NAALADL2: variants seen among roughly 807,000 people sequenced by gnomAD.
The protein encoded by NAALADL2 is N-acetylated alpha-linked acidic dipeptidase like 2.
In NAALADL2, 76 loss-of-function variants were observed where a neutral mutation model predicts 87.2. That is an observed-to-expected ratio of 0.87 (90% CI 0.72 to 1.05). NAALADL2 has a LOEUF of 1.05. NAALADL2 is among the 50% of genes least tolerant of loss of function. NAALADL2 has a pLI of 0.00. For missense variants in NAALADL2, 1,089 were observed against 945.8 expected (o/e 1.15, Z -1.99); for synonymous variants, 354 against 331.0 (o/e 1.07, Z -0.75).
intron 1 of NAALADL2, among the ~76,000 whole-genome samples, chr3:175,012,216 G>A (rs1749920288): frequency 6.6e-6 from 1 of 152,144 alleles, no homozygotes; most frequent in Admixed American, 6.6e-5. Context: ...CCAAACTGGA[G>A]TGCAATGGCC....
At chr3:175,713,106 G>A (rs1740747555) in intron 11 of NAALADL2, among the ~76,000 whole-genome samples, 1 of 152,050 alleles carries the variant, frequency 6.6e-6, no homozygotes, top group African/African-American at 2.4e-5. Flanking sequence ...GAAATTGGAA[G>A]TCAAACTGTG....
chr3:175,344,919 T>C (rs1257343747), intron 5 of NAALADL2, among the ~76,000 whole-genome samples: 1 of 152,140 alleles, frequency 6.6e-6, no homozygotes, highest in Non-Finnish European at 1.5e-5. Context: ...TTATCGCTGT[T>C]ATTAATCCCC....
chr3:175,058,830 C>T (rs1160044613), intron 1 of NAALADL2, among the ~76,000 whole-genome samples: 1 of 152,178 alleles, frequency 6.6e-6, no homozygotes, highest in Non-Finnish European at 1.5e-5. Flanking sequence ...AACATTAAGA[C>T]CTGTGCTGTT....
intron 9 of NAALADL2, among the ~76,000 whole-genome samples, chr3:175,547,732 G>T (rs925974966): frequency 6.6e-6 from 1 of 151,486 alleles, no homozygotes; most frequent in African/African-American, 2.4e-5. Flanking sequence ...AACCCATAAA[G>T]TAGTGGGCAG....
chr3:174,956,692 T>A (rs1741198686), intron 1 of NAALADL2, among the ~76,000 whole-genome samples: 1 of 152,002 alleles, frequency 6.6e-6, no homozygotes, highest in South Asian at 2.1e-4. Flanking sequence ...TCTTTGGGCC[T>A]GCCAGTTCTG....
intron 4 of NAALADL2, among the ~76,000 whole-genome samples, chr3:175,275,818 G>A (rs1399421366): frequency 6.6e-6 from 1 of 150,958 alleles, no homozygotes; most frequent in African/African-American, 2.4e-5. Flanking sequence ...CAAAAAATTA[G>A]TACTCATTTT....
intron 3 of NAALADL2, among the ~76,000 whole-genome samples, chr3:175,237,689 AAAG>A (rs1231538246): frequency 9.2e-5 from 14 of 152,136 alleles, no homozygotes; most frequent in Non-Finnish European, 1.8e-4. Flanking sequence ...AGAGGACACA[AAAG>A]AAGAAGCCGG....
intron 3 of NAALADL2, among the ~76,000 whole-genome samples, chr3:174,835,006 A>G (rs1229409876): frequency 6.6e-6 from 1 of 151,830 alleles, no homozygotes; most frequent in Admixed American, 6.6e-5. Context: ...AAATTTAAAA[A>G]TGCAAAGAAA....
chr3:175,594,349 T>C (rs887877381), intron 10 of NAALADL2, among the ~76,000 whole-genome samples: 3 of 152,208 alleles, frequency 2.0e-5, no homozygotes. Flanking sequence ...TATGGCTTCA[T>C]AGTATTCCAT....
Position 175,771,694 on chromosome 3 carries a change from A to T in NAALADL2, c.2189+16276A>T, listed in dbSNP as rs74497032. 8.8e-3 allele frequency among the ~76,000 whole-genome samples: 1,341 copies of T among 152,206 alleles called. 21 individuals carry two copies. Among genetic ancestry groups the T allele is most frequent in the African/African-American group, 0.031 (1,273 of 41,522 alleles). ...TCTCTCTTTTACAAGGAGACTTGTGATTGGATTTAGGGCTCATTCACATAA... is the reference window on the plus strand; with the variant it reads ...TCTCTCTTTTACAAGGAGACTTGTGTTTGGATTTAGGGCTCATTCACATAA... On this transcript the variant is annotated intron_variant, in intron 13 of 13. Coordinates refer to ENST00000454872, the MANE Select transcript of NAALADL2 (RefSeq NM_207015.3).
intron 9 of NAALADL2, among the ~76,000 whole-genome samples, chr3:175,530,159 G>A (rs950882720): frequency 6.6e-5 from 10 of 152,154 alleles, no homozygotes; most frequent in African/African-American, 2.4e-4. Flanking sequence ...GGGGAAAGAG[G>A]CTGAGTGGTG....
intron 2 of NAALADL2, among the ~76,000 whole-genome samples, chr3:174,621,011 A>G (rs1359884916): frequency 6.6e-6 from 1 of 152,096 alleles, no homozygotes; most frequent in African/African-American, 2.4e-5. Flanking sequence ...TGTACTGACT[A>G]GGAAGAGCGT....
chr3:174,680,477 T>C (rs1727435019), intron 2 of NAALADL2, among the ~76,000 whole-genome samples: 1 of 152,202 alleles, frequency 6.6e-6, no homozygotes, highest in Non-Finnish European at 1.5e-5. Context: ...TAAGTATCTT[T>C]GTTTTTTCTT....
intron 5 of NAALADL2, among the ~76,000 whole-genome samples, chr3:175,436,470 G>C (rs1718692810): frequency 3.5e-5 from 5 of 144,680 alleles, no homozygotes; most frequent in Admixed American, 2.1e-4. Context: ...CCCATCAACA[G>C]TGTAAAAGTG....
chr3:174,591,150 A>G lies in NAALADL2; in HGVS notation c.-115+40513A>G, dbSNP rs1717319172. On this transcript the variant is annotated intron_variant, in intron 2 of 3. Transcript: ENST00000434257. ...ACCTTGGCTGATCCTCTGGAGACAG[A>G]CTGCTCCTTAATCTTGAGATGGACA... 2.0e-5 allele frequency among the ~76,000 whole-genome samples: 3 copies of G among 152,328 alleles called. No individual in the cohort carries two copies. The South Asian group carries it at 6.2e-4, about 32-fold the overall frequency.
intron 11 of NAALADL2, among the ~76,000 whole-genome samples, chr3:175,654,547 T>C (rs1253165365): frequency 1.3e-5 from 2 of 152,234 alleles, no homozygotes; most frequent in African/African-American, 4.8e-5. Context: ...TAGGTATGCC[T>C]TTCTTGTAGC....
chr3:175,482,440 G>A (rs1726617161), intron 9 of NAALADL2, among the ~76,000 whole-genome samples: 1 of 151,888 alleles, frequency 6.6e-6, no homozygotes, highest in East Asian at 1.9e-4. Flanking sequence ...TTTATGGTGC[G>A]GTCTTTTAAT....
intron 1 of NAALADL2, among the ~76,000 whole-genome samples, chr3:174,905,979 T>C (rs1382302600): frequency 6.6e-6 from 1 of 151,980 alleles, no homozygotes; most frequent in East Asian, 1.9e-4. Flanking sequence ...AAAACACTGA[T>C]ACATTAATTC....
chr3:175,244,250 A>G (rs951451939), intron 3 of NAALADL2, among the ~76,000 whole-genome samples: 1 of 152,214 alleles, frequency 6.6e-6, no homozygotes, highest in African/African-American at 2.4e-5. Context: ...AAGTTGCGGA[A>G]GCTCTCATGA....
Sources: gnomAD v4.1 joint callset for allele counts (sites outside exome capture counted in the v4.1 genomes callset) on GRCh38, gnomAD v4.1.1 for gene constraint, MANE v1.5 for transcripts, NCBI Gene and HGNC (gene_info 2026-07-23, HGNC 2026-07-21) for gene names.